The following DLG2 variants were observed in gnomAD, a reference collection of about 807,000 sequenced individuals.
DLG2 encodes the protein disks large homolog 2.
DLG2 carries 45 observed loss-of-function variants against 132.5 expected under a neutral mutation model. The observed-to-expected ratio is 0.34, with a 90% CI of 0.27 to 0.44. The LOEUF (loss-of-function observed/expected upper bound fraction) is 0.44, where lower values mean the gene tolerates loss of function less well. Among genes scored for constraint, DLG2 ranks in the 20% least tolerant of loss-of-function variants. The pLI is 1.00. For synonymous variants in DLG2, 424 were observed against 419.6 expected (o/e 1.01, Z -0.13); for missense variants, 1,045 against 1,196.9 (o/e 0.87, Z 1.87).
intron 19 of DLG2, among the ~76,000 whole-genome samples, chr11:83,571,737 T>C (rs2096800759): frequency 6.6e-6 from 1 of 152,144 alleles, no homozygotes; most frequent in South Asian, 2.1e-4. Flanking sequence ...CTGTAGGAAA[T>C]TCTAAATGGA....
chr11:85,601,726 G>A (rs1382363374), intron 2 of DLG2, among the ~76,000 whole-genome samples: 1 of 152,120 alleles, frequency 6.6e-6, no homozygotes, highest in Non-Finnish European at 1.5e-5. Context: ...GCCGTCTCCA[G>A]CACACCATTA....
chr11:84,298,285 A>G (rs1255300762), intron 7 of DLG2, among the ~76,000 whole-genome samples: 3 of 152,190 alleles, frequency 2.0e-5, no homozygotes, highest in Non-Finnish European at 4.4e-5. Flanking sequence ...CATGCAAATC[A>G]ATGACTTTTG....
chr11:85,567,783 G>C (rs1165080058), intron 3 of DLG2, among the ~76,000 whole-genome samples: 1 of 152,028 alleles, frequency 6.6e-6, no homozygotes. Context: ...CCTTTTGCAG[G>C]CTGAGGAAGT....
chr11:84,506,079 C>CTTTTTTTATTTTTTTTTTT (rs2099238933), intron 7 of DLG2, among the ~76,000 whole-genome samples: 1 of 107,024 alleles, frequency 9.3e-6, no homozygotes, highest in Non-Finnish European at 1.8e-5. Context: ...AGGCTCAGTT[C>CTTTTTTTATTTTTTTTTTT]TTTTTTTTTT....
intron 3 of DLG2, among the ~76,000 whole-genome samples, chr11:85,483,776 T>A (rs1224636664): frequency 1.3e-5 from 2 of 151,486 alleles, no homozygotes; most frequent in Non-Finnish European, 2.9e-5. Context: ...AAACCCTGTC[T>A]CTACTAAAAA....
intron 3 of DLG2, chr11:85,335,986 C>G (rs1333006404): frequency 6.6e-6 from 1 of 152,170 alleles, no homozygotes; most frequent in African/African-American, 2.4e-5. Context: ...TTTGCACATG[C>G]TGAATATAGG....
In DLG2 at chr11:85,429,587, G is replaced by A. The variant is rs180720503; in HGVS notation, c.41-144222C>T. Among the ~76,000 whole-genome samples the A allele has an allele frequency of 2.5e-3, 378 of 152,262 alleles. 1 individual carries two copies. Among genetic ancestry groups the A allele is most frequent in the African/African-American group, 8.8e-3 (366 of 41,544 alleles). ...CTTCTCAAAAGAAGACATTTATGCA[G>A]CCAAAAGACACATAAAAAAATGCTC... On this transcript the variant is annotated intron_variant, in intron 3 of 27. Coordinates refer to ENST00000376104, the MANE Select transcript of DLG2 (RefSeq NM_001142699.3).
chr11:84,867,795 C>T (rs2084814880), intron 6 of DLG2, among the ~76,000 whole-genome samples: 1 of 152,130 alleles, frequency 6.6e-6, no homozygotes, highest in Admixed American at 6.5e-5. Context: ...AATTATGGGG[C>T]CGGACGTGGT....
chr11:83,539,971 GT>G (rs2096012037), intron 20 of DLG2, among the ~76,000 whole-genome samples: 1 of 152,174 alleles, frequency 6.6e-6, no homozygotes, highest in Non-Finnish European at 1.5e-5. Flanking sequence ...TCAGAAAACT[GT>G]ATAGTTCAAC....
At chr11:85,185,398 T>C (rs2080019987) in intron 4 of DLG2, among the ~76,000 whole-genome samples, 1 of 152,042 alleles carries the variant, frequency 6.6e-6, no homozygotes, top group Non-Finnish European at 1.5e-5. Flanking sequence ...TTTGGATATT[T>C]AGGAAGTCTT....
At chr11:83,666,553 C>T (rs988713307) in intron 18 of DLG2, among the ~76,000 whole-genome samples, 2 of 152,206 alleles carry the variant, frequency 1.3e-5, no homozygotes, top group Non-Finnish European at 2.9e-5. Context: ...TCCCCTTACC[C>T]ACCCCATCCG....
intron 6 of DLG2, among the ~76,000 whole-genome samples, chr11:84,658,890 A>C (rs2154547665): frequency 6.6e-6 from 1 of 152,276 alleles, no homozygotes; most frequent in African/African-American, 2.4e-5. Flanking sequence ...TGCACACTGG[A>C]CTAACACAGC....
At position 84,071,260 on chromosome 11, in the gene DLG2, T is replaced by A. The variant is rs73513766; in HGVS notation, c.750-11776A>T. ...GTGCACACCATCACACTGGCTTTTT[T>A]TTTATTTTTATTTTTTGTATTTCTT... On this transcript the variant is annotated intron_variant, in intron 10 of 27. Coordinates refer to ENST00000376104, the MANE Select transcript of DLG2 (RefSeq NM_001142699.3). 5.3e-3 allele frequency among the ~76,000 whole-genome samples: 812 copies of A among 152,030 alleles called. 6 individuals carry two copies. The highest frequency in any genetic ancestry group is 0.018 in the African/African-American group (737 of 41,494).
At chr11:85,097,433 T>C (rs1158940849) in intron 6 of DLG2, among the ~76,000 whole-genome samples, 1 of 152,096 alleles carries the variant, frequency 6.6e-6, no homozygotes, top group African/African-American at 2.4e-5. Context: ...GCCTGGGACA[T>C]AGCAGGCACC....
intron 3 of DLG2, among the ~76,000 whole-genome samples, chr11:85,522,192 C>T (rs1401851883): frequency 6.6e-6 from 1 of 152,160 alleles, no homozygotes; most frequent in Non-Finnish European, 1.5e-5. Flanking sequence ...CTAAAAGGGG[C>T]CACGGTATCA....
At position 83,541,731 on chromosome 11, in the gene DLG2, T is replaced by C. The variant is rs758447828; in HGVS notation, c.2068A>G (p.Met690Val). Residue 690 changes from methionine (M) to valine (V), a missense_variant, in exon 20 of 28, where the codon ATG (methionine) becomes GTG (valine). Met to Val is a conservative substitution (Grantham distance 21). This residue lies in a region of DLG2 where 398 missense variants were observed against 543.6 expected (regional missense o/e 0.73). Coordinates refer to ENST00000376104, the MANE Select transcript of DLG2 (RefSeq NM_001142699.3). ...ATCTCCTCACTGTCTCCCTCCAGCA[T>C]GACTCTCCTGGCTTGCCACCACTCA... ...DDEWWQARRV[M>V]LEGDSEEMGV... 2 of 1,613,062 alleles carry C rather than the reference T, an allele frequency of 1.2e-6. No individual in the cohort carries two copies. Among genetic ancestry groups the C allele is most frequent in the Non-Finnish European group, 1.7e-6 (2 of 1,179,430 alleles).
At chr11:85,260,083 C>T (rs979016357) in intron 4 of DLG2, among the ~76,000 whole-genome samples, 1 of 152,062 alleles carries the variant, frequency 6.6e-6, no homozygotes, top group Non-Finnish European at 1.5e-5. Flanking sequence ...CCTGGCTCTA[C>T]CATCAACAAT....
At chr11:84,914,270 T>C (rs1397418156) in intron 6 of DLG2, among the ~76,000 whole-genome samples, 2 of 152,120 alleles carry the variant, frequency 1.3e-5, no homozygotes, top group Admixed American at 1.3e-4. Flanking sequence ...CCAGCTGAAA[T>C]TTGAGAAATA....
chr11:85,346,345 G>A (rs534103759), intron 3 of DLG2, among the ~76,000 whole-genome samples: 3 of 151,826 alleles, frequency 2.0e-5, no homozygotes, highest in South Asian at 2.1e-4. Flanking sequence ...CTGCCACCAC[G>A]CCCAGCTAAA....
Sources: allele counts gnomAD v4.1 joint callset (sites outside exome capture counted in the v4.1 genomes callset), GRCh38; gene constraint gnomAD v4.1.1; regional missense constraint gnomAD v4.1.1; transcripts MANE v1.5; gene names NCBI Gene and HGNC (gene_info 2026-07-23, HGNC 2026-07-21).